Variants in MBD5 observed in about 807,000 individuals in gnomAD.
The protein encoded by MBD5 is methyl-CpG binding domain protein 5.
MBD5 carries 13 observed loss-of-function variants against 117.3 expected under a neutral mutation model. The ratio of observed to expected loss-of-function variants is 0.11; its 90% CI spans 0.07 to 0.18. MBD5 has a LOEUF of 0.18. MBD5 is among the 10% of genes least tolerant of loss of function. MBD5 has a pLI of 1.00. For synonymous variants in MBD5, 727 were observed against 766.4 expected, an observed-to-expected ratio of 0.95 and a Z score of 0.85; for missense variants, 1,879 against 2,093.8, an observed-to-expected ratio of 0.90 and a Z score of 2.00.
chr2:148,329,414 A>T (rs1702573040), intron 3 of MBD5, among the ~76,000 whole-genome samples: 1 of 152,202 alleles, frequency 6.6e-6, no homozygotes, highest in Non-Finnish European at 1.5e-5. Flanking sequence ...AAAGTATTTT[A>T]TAAGTTTATG....
At chr2:148,294,501 G>GTTTGTTTTTTTTTT (rs1553496237) in intron 3 of MBD5, among the ~76,000 whole-genome samples, 1 of 113,214 alleles carries the variant, frequency 8.8e-6, no homozygotes, top group African/African-American at 3.7e-5. Flanking sequence ...TGGGATTACA[G>GTTTGTTTTTTTTTT]TTTTTTTTTT....
chr2:148,072,467 TTA>T (rs1194177828), intron 1 of MBD5, among the ~76,000 whole-genome samples: 1 of 152,186 alleles, frequency 6.6e-6, no homozygotes, highest in Non-Finnish European at 1.5e-5. Flanking sequence ...TGTATATAAG[TTA>T]TATAGTGTAA....
At chr2:148,499,027 T>A (rs1261870825) in intron 11 of MBD5, among the ~76,000 whole-genome samples, 2 of 152,204 alleles carry the variant, frequency 1.3e-5, no homozygotes, top group African/African-American at 4.8e-5. Flanking sequence ...GCACGGTGGC[T>A]CATGCCTTTA....
intron 3 of MBD5, among the ~76,000 whole-genome samples, chr2:148,278,753 G>A (rs933025078): frequency 3.3e-5 from 5 of 152,164 alleles, no homozygotes; most frequent in African/African-American, 1.2e-4. Context: ...ATGATAGACT[G>A]CAAGCTAGAG....
At chr2:148,270,846 C>T (rs184832081) in intron 3 of MBD5, among the ~76,000 whole-genome samples, 2 of 152,280 alleles carry the variant, frequency 1.3e-5, no homozygotes, top group African/African-American at 4.8e-5. Flanking sequence ...TCCTCTACTG[C>T]TCTTTATCAC....
At chr2:148,094,946 C>G (rs6753116) in intron 1 of MBD5, among the ~76,000 whole-genome samples, 67,793 of 151,842 alleles carry the variant, frequency 0.45, 15,266 homozygotes, top group South Asian at 0.5. Context: ...GATTTCAAAG[C>G]TAGTGTTTTT....
chr2:148,342,201 A>AT lies in MBD5; in HGVS notation c.-679-10dup, dbSNP rs1471592932. The AT allele has an allele frequency of 6.6e-6, 1 of 151,982 alleles. No individual in the cohort carries two copies. Among genetic ancestry groups the AT allele is most frequent in the Non-Finnish European group, 1.5e-5 (1 of 67,944 alleles). The allele number at this position is 151,982 out of a possible 1,614,324, so 9.4% of individuals were successfully genotyped here. A position where few individuals can be genotyped will look rare whatever the true frequency, so the allele number is the denominator to read the frequency against. On this transcript the variant is annotated splice_polypyrimidine_tract_variant and intron_variant, in intron 3 of 13. Transcript: ENST00000642680. ...TTAAATAAATGTGCGGACTCATGTT[A>AT]TTTCTGTTCCAGAGAGAAGAGGTAC...
rs188944076 is a variant in MBD5 at position 148,030,014 on chromosome 2, T to C, written c.-925+8330T>C. On this transcript the variant is annotated intron_variant, in intron 1 of 13. Coordinates refer to ENST00000642680, the MANE Select transcript of MBD5 (RefSeq NM_001378120.1). The stretch of plus-strand genomic sequence containing the variant: ...GGGCCAGGTGCGGTGGCTCATGCCT[T>C]AACCCCAGCACTTTGGGAGGCCAAG... Among the ~76,000 whole-genome samples, 8 of 152,276 alleles carry C rather than the reference T, an allele frequency of 5.3e-5. No individual in the cohort carries two copies. The East Asian group carries it at 1.2e-3, about 22-fold the overall frequency.
At chr2:148,336,971 T>C (rs1454226472) in intron 3 of MBD5, among the ~76,000 whole-genome samples, 1 of 152,246 alleles carries the variant, frequency 6.6e-6, no homozygotes, top group African/African-American at 2.4e-5. Flanking sequence ...GTCTCCTTTA[T>C]GTCTTCCAGC....
chr2:148,061,633 AGT>A (rs58729092), intron 1 of MBD5, among the ~76,000 whole-genome samples: 5 of 150,676 alleles, frequency 3.3e-5, no homozygotes, highest in Non-Finnish European at 3.0e-5. Context: ...TACAGCAGTG[AGT>A]GTGTGTGTGT....
chr2:148,326,928 G>C (rs1443248172), intron 3 of MBD5, among the ~76,000 whole-genome samples: 1 of 150,714 alleles, frequency 6.6e-6, no homozygotes, highest in Admixed American at 6.6e-5. Context: ...TTTCTTCCCA[G>C]TCTCGATGGT....
chr2:148,272,464 G>A (rs551836247), intron 3 of MBD5, among the ~76,000 whole-genome samples: 6 of 151,642 alleles, frequency 4.0e-5, no homozygotes, highest in African/African-American at 1.2e-4. Flanking sequence ...TTTGTTTTTC[G>A]TAATAGCTAT....
intron 1 of MBD5, among the ~76,000 whole-genome samples, chr2:148,167,364 GTCT>G (rs1698150518): frequency 6.6e-6 from 1 of 152,056 alleles, no homozygotes; most frequent in Admixed American, 6.6e-5. Flanking sequence ...TACAGAGAAT[GTCT>G]TCTAAGAAGA....
At chr2:148,282,607 T>G (rs1482366035) in intron 3 of MBD5, among the ~76,000 whole-genome samples, 1 of 151,940 alleles carries the variant, frequency 6.6e-6, no homozygotes, top group Non-Finnish European at 1.5e-5. Flanking sequence ...TTATGAACCC[T>G]CAATGAATGT....
intron 4 of MBD5, among the ~76,000 whole-genome samples, chr2:148,398,007 T>C (rs1224630899): frequency 1.3e-5 from 2 of 152,262 alleles, no homozygotes; most frequent in Non-Finnish European, 2.9e-5. Context: ...GGATACATAG[T>C]ATTCCATGGT....
At chr2:148,314,376 G>GT (rs67471940) in intron 3 of MBD5, among the ~76,000 whole-genome samples, 1,850 of 106,546 alleles carry the variant, frequency 0.017, 117 homozygotes, top group African/African-American at 0.054. Flanking sequence ...CAGTGTTATG[G>GT]TTTTTTTTTT....
At chr2:148,467,941 T>C (rs2105618558) in intron 7 of MBD5, among the ~76,000 whole-genome samples, 1 of 152,272 alleles carries the variant, frequency 6.6e-6, no homozygotes, top group Middle Eastern at 3.4e-3. Flanking sequence ...TTCTTAAAAA[T>C]TCTAAATCCA....
At chr2:148,195,080 C>G (rs976586840) in intron 2 of MBD5, among the ~76,000 whole-genome samples, 2 of 152,074 alleles carry the variant, frequency 1.3e-5, no homozygotes, top group Admixed American at 6.5e-5. Flanking sequence ...TGTCTATGTT[C>G]CAATAAAACT....
At chr2:148,478,716 A>G (rs533776053) in intron 8 of MBD5, among the ~76,000 whole-genome samples, 2 of 152,272 alleles carry the variant, frequency 1.3e-5, no homozygotes, top group African/African-American at 4.8e-5. Context: ...TTGAAAAGCA[A>G]CAGAGACAAT....
Sources: allele counts gnomAD v4.1 joint callset (sites outside exome capture counted in the v4.1 genomes callset), GRCh38; gene constraint gnomAD v4.1.1; transcripts MANE v1.5; gene names NCBI Gene and HGNC (gene_info 2026-07-23, HGNC 2026-07-21).